TNRC6A: variants seen among roughly 807,000 people sequenced by gnomAD.
The protein encoded by TNRC6A is trinucleotide repeat-containing gene 6A protein.
A neutral mutation model predicts 221.2 loss-of-function variants in TNRC6A; 44 were observed. The ratio of observed to expected loss-of-function variants is 0.20; its 90% CI spans 0.16 to 0.26. The LOEUF (loss-of-function observed/expected upper bound fraction) is 0.26, where lower values mean the gene tolerates loss of function less well. Ranked by LOEUF, TNRC6A falls within the 10% of genes least tolerant of loss-of-function variation. TNRC6A has a pLI of 1.00. For synonymous variants in TNRC6A, 847 were observed against 838.5 expected (o/e 1.01, Z -0.18); for missense variants, 2,199 against 2,404.4 (o/e 0.91, Z 1.79).
intron 5 of TNRC6A, among the ~76,000 whole-genome samples, chr16:24,779,460 T>C (rs1596687851): frequency 6.6e-6 from 1 of 152,318 alleles, no homozygotes; most frequent in East Asian, 1.9e-4. Context: ...GTTACTAGGA[T>C]TGGTAATAGA....
At chr16:24,807,007 T>C (rs750799643) in intron 17 of TNRC6A, among the ~76,000 whole-genome samples, 3 of 151,526 alleles carry the variant, frequency 2.0e-5, no homozygotes, top group South Asian at 4.2e-4. Context: ...TCTTTCCTTT[T>C]CTTTTTTTTT....
intron 1 of TNRC6A, among the ~76,000 whole-genome samples, chr16:24,618,522 C>T (rs1450576450): frequency 2.6e-5 from 4 of 151,920 alleles, no homozygotes; most frequent in Non-Finnish European, 5.9e-5. Flanking sequence ...TAGACAACAG[C>T]AGTGTGATTA....
rs1042718055 is a variant in TNRC6A at position 24,776,617 on chromosome 16, T to C, written c.164-316T>C. ...GTTCTTTGAGTCATTGCGAGTTCCCTGGTTTTGTAATGATCCGATGATGAT... is the reference window on the plus strand; with the variant it reads ...GTTCTTTGAGTCATTGCGAGTTCCCCGGTTTTGTAATGATCCGATGATGAT... On this transcript the variant is annotated intron_variant, in intron 4 of 24. Transcript: ENST00000395799. 4 of 985,336 alleles carry C rather than the reference T, an allele frequency of 4.1e-6. No homozygotes were observed. The African/African-American group carries it at 7.0e-5, about 17-fold the overall frequency. 61.0% of individuals were successfully genotyped at this position (985,336 alleles called of 1,614,324 possible).
intron 2 of TNRC6A, among the ~76,000 whole-genome samples, chr16:24,646,019 A>G (rs1170670658): frequency 6.6e-6 from 1 of 152,034 alleles, no homozygotes; most frequent in Non-Finnish European, 1.5e-5. Flanking sequence ...ACCCTGTCTT[A>G]AAAAATATAT....
At chr16:24,787,127 A>G (rs901989698) in intron 5 of TNRC6A, among the ~76,000 whole-genome samples, 2 of 152,192 alleles carry the variant, frequency 1.3e-5, no homozygotes, top group Non-Finnish European at 2.9e-5. Context: ...CACTACATCA[A>G]ATTGACCCTA....
intron 2 of TNRC6A, among the ~76,000 whole-genome samples, chr16:24,692,465 G>A (rs1217843015): frequency 6.6e-6 from 1 of 152,124 alleles, no homozygotes; most frequent in Non-Finnish European, 1.5e-5. Flanking sequence ...AGCTACTCAG[G>A]AGGCTGAGGC....
Position 24,824,011 on chromosome 16 carries a change from T to G in TNRC6A, c.*204T>G, listed in dbSNP as rs1273489577. ...TAATGTGAAAAGGTATCTACTCTAT[T>G]TACACTCCCAAATAGCGCCATACAT... On this transcript the variant is annotated 3_prime_UTR_variant, in exon 25 of 25. Coordinates refer to ENST00000395799, the MANE Select transcript of TNRC6A (RefSeq NM_014494.4). The G allele has an allele frequency of 2.4e-6, 1 of 416,226 alleles. No homozygotes were observed. The highest frequency in any genetic ancestry group is 4.1e-6 in the Non-Finnish European group (1 of 245,280). 25.8% of individuals were successfully genotyped at this position (416,226 alleles called of 1,614,324 possible). A position where few individuals can be genotyped will look rare whatever the true frequency, so the allele number is the denominator to read the frequency against.
upstream of TNRC6A, chr16:24,729,614 G>A (rs2056560132): frequency 2.3e-6 from 1 of 427,596 alleles, no homozygotes. Flanking sequence ...GCCAGTGGCC[G>A]TGGCGCCCCC....
At chr16:24,667,937 AT>A (rs1192614565) in intron 2 of TNRC6A, among the ~76,000 whole-genome samples, 3 of 152,170 alleles carry the variant, frequency 2.0e-5, no homozygotes, top group Non-Finnish European at 2.9e-5. Flanking sequence ...AGGCAGCAGA[AT>A]CTCTTGGGCC....
Position 24,750,781 on chromosome 16 carries a change from G to A in TNRC6A, c.109G>A (p.Asp37Asn), listed in dbSNP as rs758665959. 4.5e-6 allele frequency: 7 copies of A among 1,565,422 alleles called. No individual in the cohort carries two copies. The South Asian group carries it at 7.4e-5, about 17-fold the overall frequency. Residue 37 changes from aspartate (D) to asparagine (N), a missense_variant, in exon 3 of 25, where the codon GAC becomes AAC. By Grantham distance (23) the Asp-to-Asn change is conservative. Coordinates refer to ENST00000395799, the MANE Select transcript of TNRC6A (RefSeq NM_014494.4). ...GGAAGAAAAGAAAAAGAAAAAAGACGACAAGAAAAAGAAGGAAGCTGCTCA... is the reference window on the plus strand; with the variant it reads ...GGAAGAAAAGAAAAAGAAAAAAGACAACAAGAAAAAGAAGGAAGCTGCTCA... The part of the protein sequence containing the change: ...LMEEKKKKKD[D>N]KKKKEAAQKK...
At chr16:24,797,401 G>T in intron 9 of TNRC6A, 89 bp from the exon 10 acceptor site, 1 of 886,210 alleles carries the variant, frequency 1.1e-6, no homozygotes, top group Non-Finnish European at 1.7e-6. Context: ...ATGAGAATTG[G>T]GGATTGTCTT....
intron 2 of TNRC6A, among the ~76,000 whole-genome samples, chr16:24,673,922 C>G (rs1227154284): frequency 1.3e-5 from 2 of 152,184 alleles, no homozygotes; most frequent in Non-Finnish European, 2.9e-5. Flanking sequence ...TTGTCAATGA[C>G]AAAAGTCCTC....
chr16:24,687,845 A>G (rs1368364454), intron 2 of TNRC6A, among the ~76,000 whole-genome samples: 1 of 146,208 alleles, frequency 6.8e-6, no homozygotes, highest in Non-Finnish European at 1.5e-5. Flanking sequence ...GAGGAAGAGG[A>G]AGAAGAAGAA....
chr16:24,671,674 T>C (rs775937949), intron 2 of TNRC6A, among the ~76,000 whole-genome samples: 1 of 152,042 alleles, frequency 6.6e-6, no homozygotes, highest in Non-Finnish European at 1.5e-5. Flanking sequence ...ATCCAAAATG[T>C]GAGATGTTTC....
chr16:24,650,767 C>T (rs1392713480), intron 2 of TNRC6A, among the ~76,000 whole-genome samples: 2 of 152,068 alleles, frequency 1.3e-5, no homozygotes, highest in African/African-American at 4.8e-5. Flanking sequence ...AACACGCACA[C>T]GCCTGCCATG....
chr16:24,760,490 C>T (rs2057339818), intron 4 of TNRC6A, among the ~76,000 whole-genome samples: 1 of 152,184 alleles, frequency 6.6e-6, no homozygotes, highest in Non-Finnish European at 1.5e-5. Flanking sequence ...ATGAAGGTCA[C>T]TTCAGAATAC....
intron 18 of TNRC6A, among the ~76,000 whole-genome samples, chr16:24,810,018 G>A (rs1290599849): frequency 6.6e-6 from 1 of 152,092 alleles, no homozygotes; most frequent in Non-Finnish European, 1.5e-5. Flanking sequence ...TCATCATGCT[G>A]GCCAGGCTGG....
chr16:24,679,181 A>G (rs1047706716), intron 2 of TNRC6A, among the ~76,000 whole-genome samples: 2 of 151,894 alleles, frequency 1.3e-5, no homozygotes, highest in Admixed American at 6.6e-5. Context: ...TATTTTTAAT[A>G]GAGACGGGGT....
At chr16:24,690,008 AAAAAAAAAAAAAAAAAAAAT>A (rs1281747281) in intron 2 of TNRC6A, among the ~76,000 whole-genome samples, 1,135 of 58,586 alleles carry the variant, frequency 0.019, 12 homozygotes, top group Middle Eastern at 0.05. Context: ...AAAAAAAAAA[AAAAAAAAAAAAAAAAAAAAT>A]TTTTTTTTTT....
Sources: gnomAD v4.1 joint callset for allele counts (sites outside exome capture counted in the v4.1 genomes callset) on GRCh38, gnomAD v4.1.1 for gene constraint, MANE v1.5 for transcripts, NCBI Gene and HGNC (gene_info 2026-07-23, HGNC 2026-07-21) for gene names.